Variants in STK36 observed in about 807,000 individuals in gnomAD.
STK36 encodes serine/threonine kinase 36, also known as serine/threonine-protein kinase 36.
STK36 carries 116 observed loss-of-function variants against 142.2 expected under a neutral mutation model. The observed-to-expected ratio is 0.82, with a 90% CI of 0.70 to 0.95. STK36 has a LOEUF of 0.95. STK36 is among the 40% of genes least tolerant of loss of function. The pLI is 0.00. For synonymous variants in STK36, 619 were observed against 641.7 expected, an observed-to-expected ratio of 0.96 and a Z score of 0.53; for missense variants, 1,422 against 1,617.2, an observed-to-expected ratio of 0.88 and a Z score of 2.07.
chr2:218,682,487 C>T (rs1469837812), intron 10 of STK36, among the ~76,000 whole-genome samples: 3 of 152,162 alleles, frequency 2.0e-5, no homozygotes, highest in Admixed American at 1.3e-4. Context: ...ATTAATTAAA[C>T]TAATCTGTAA....
intron 21 of STK36, among the ~76,000 whole-genome samples, chr2:218,695,527 CTTTTTTTTT>C (rs964956273): frequency 4.1e-5 from 3 of 73,052 alleles, no homozygotes; most frequent in African/African-American, 7.2e-5. Context: ...CATGTCCAGT[CTTTTTTTTT>C]TTTTTTTTTT....
At chr2:218,679,419 T>C in intron 7 of STK36, 141 bp from the exon 8 acceptor site, 1 of 1,301,264 alleles carries the variant, frequency 7.7e-7, no homozygotes, top group Non-Finnish European at 1.1e-6. Flanking sequence ...CCACTTCCCT[T>C]ACAACCCACT....
chr2:218,684,882 T>C lies in STK36; in HGVS notation c.1237-203T>C, dbSNP rs1940708866. The C allele has an allele frequency of 5.8e-6, 3 of 517,692 alleles. No homozygotes were observed. In the South Asian group the frequency reaches 1.1e-4, roughly 19 times the overall value. The allele number at this position is 517,692 out of a possible 1,614,324, so 32.1% of individuals were successfully genotyped here. On this transcript the variant is annotated intron_variant, in intron 10 of 26. Coordinates refer to ENST00000295709, the MANE Select transcript of STK36 (RefSeq NM_015690.5). ...GTATCTCTTTATGCACACATGCCGGTGTTCTCCAAGAGACTCTTCCAGACC... is the reference window on the plus strand; with the variant it reads ...GTATCTCTTTATGCACACATGCCGGCGTTCTCCAAGAGACTCTTCCAGACC...
intron 22 of STK36, 143 bp downstream of exon 22, chr2:218,696,744 C>T (rs1180660610): frequency 6.1e-6 from 6 of 984,386 alleles, no homozygotes; most frequent in African/African-American, 3.2e-5. Flanking sequence ...GGAACTTCCC[C>T]GCCTGCCCTC....
At chr2:218,695,927 G>C (rs964925181) in intron 21 of STK36, among the ~76,000 whole-genome samples, 4 of 144,378 alleles carry the variant, frequency 2.8e-5, no homozygotes, top group Non-Finnish European at 6.0e-5. Flanking sequence ...GCAGTGGCGT[G>C]ATCTCGGCTC....
At chr2:218,698,545 T>C in intron 25 of STK36, 57 bp from the exon 26 acceptor site, 1 of 1,562,486 alleles carries the variant, frequency 6.4e-7, no homozygotes, top group Non-Finnish European at 8.7e-7. Context: ...TTTGGGCTTC[T>C]TTATAGCTGC....
In STK36 at chr2:218,672,675, G is replaced by T. The variant is rs953799095; in HGVS notation, c.-89-66G>T. ...ATTCCACCCTCCCATGTTTTTTGAG[G>T]CTTTATTGTGAAAAAGAGGAAAAGG... On this transcript the variant is annotated intron_variant, in intron 1 of 26. Coordinates refer to ENST00000295709, the MANE Select transcript of STK36 (RefSeq NM_015690.5). 5 of 652,800 alleles carry T rather than the reference G, an allele frequency of 7.7e-6. No homozygotes were observed. In the African/African-American group the frequency reaches 9.1e-5, roughly 12 times the overall value. 40.4% of individuals were successfully genotyped at this position (652,800 alleles called of 1,614,324 possible). A position where few individuals can be genotyped will look rare whatever the true frequency, so the allele number is the denominator to read the frequency against.
At chr2:218,690,644 T>C (rs1559339584) in intron 14 of STK36, 89 bp downstream of exon 14, 5 of 1,037,074 alleles carry the variant, frequency 4.8e-6, no homozygotes, top group Non-Finnish European at 7.4e-6. Flanking sequence ...TAGGGTCAGA[T>C]CAAGTTAATA....
intron 11 of STK36, among the ~76,000 whole-genome samples, chr2:218,685,884 A>G (rs1327654367): frequency 6.6e-6 from 1 of 152,116 alleles, no homozygotes; most frequent in Non-Finnish European, 1.5e-5. Flanking sequence ...AAAACTGTTA[A>G]CCATAGTTCA....
intron 4 of STK36, among the ~76,000 whole-genome samples, chr2:218,674,621 A>T (rs1286058495): frequency 6.6e-6 from 1 of 152,156 alleles, no homozygotes; most frequent in African/African-American, 2.4e-5. Context: ...TTATTTTTTG[A>T]GACAGAGTCT....
intron 10 of STK36, among the ~76,000 whole-genome samples, chr2:218,683,753 G>C (rs1311024704): frequency 6.6e-6 from 1 of 151,576 alleles, no homozygotes. Flanking sequence ...CCCCACAACA[G>C]TCCCCAGAGT....
chr2:218,693,366 A>G (rs760200147), intron 17 of STK36, 22 bp downstream of exon 17: 2 of 1,605,594 alleles, frequency 1.2e-6, no homozygotes, highest in Non-Finnish European at 1.7e-6. Flanking sequence ...AACTCCTGGC[A>G]TCACAGCTTT....
chr2:218,694,228 T>G lies in STK36; in HGVS notation c.2337-36T>G. 1.3e-6 allele frequency: 2 copies of G among 1,580,172 alleles called. No individual in the cohort carries two copies. The highest frequency in any genetic ancestry group is 1.7e-6 in the Non-Finnish European group (2 of 1,149,166). ...GAGGCCGCTTACCAACCTCCTTTAA[T>G]ACTGCTGCATCCCTTGATGTATCTC... On this transcript the variant is annotated intron_variant, in intron 19 of 26. Coordinates refer to ENST00000295709, the MANE Select transcript of STK36 (RefSeq NM_015690.5). The surrounding 1 kb of genome is among the most constrained non-coding windows in gnomAD (Gnocchi z 4.4).
chr2:218,692,122 C>T (rs1941023728), intron 14 of STK36, 21 bp from the exon 15 acceptor site: 1 of 1,610,082 alleles, frequency 6.2e-7, no homozygotes, highest in African/African-American at 1.3e-5. Context: ...CTGATGCTAC[C>T]TCTGCACTTC....
chr2:218,683,019 T>G (rs1940602466), intron 10 of STK36, among the ~76,000 whole-genome samples: 1 of 152,220 alleles, frequency 6.6e-6, no homozygotes, highest in South Asian at 2.1e-4. Context: ...TTCCTCAAAT[T>G]GATTATTTCC....
intron 7 of STK36, 103 bp from the exon 8 acceptor site, chr2:218,679,457 C>G: frequency 7.0e-7 from 1 of 1,422,146 alleles, no homozygotes; most frequent in Non-Finnish European, 9.5e-7. Flanking sequence ...TCAAAATGAT[C>G]TTCTTCCACA....
At chr2:218,680,128 T>G (rs1301174162) in intron 9 of STK36, 48 bp downstream of exon 9, 1 of 1,573,592 alleles carries the variant, frequency 6.4e-7, no homozygotes, top group African/African-American at 1.4e-5. Flanking sequence ...ATCTTGCACA[T>G]CTTTAACTCT....
Position 218,702,115 on chromosome 2 carries a change from T to C in STK36, c.*106T>C. 1 of 1,387,300 alleles carries C rather than the reference T, an allele frequency of 7.2e-7. No individual in the cohort carries two copies. The highest frequency in any genetic ancestry group is 9.7e-7 in the Non-Finnish European group (1 of 1,031,794). 85.9% of individuals were successfully genotyped at this position (1,387,300 alleles called of 1,614,324 possible). On this transcript the variant is annotated 3_prime_UTR_variant, in exon 27 of 27. Transcript: ENST00000295709. ...AGAGCTAAAGAGACTAGAAAAGAGATAAGCTGCCAACTCAACTGAGAACAA... is the reference window on the plus strand; with the variant it reads ...AGAGCTAAAGAGACTAGAAAAGAGACAAGCTGCCAACTCAACTGAGAACAA...
intron 9 of STK36, 123 bp from the exon 10 acceptor site, chr2:218,680,480 C>T (rs1940466652): frequency 2.7e-6 from 2 of 754,024 alleles, no homozygotes; most frequent in Non-Finnish European, 4.4e-6. Flanking sequence ...AAGAAGTCTC[C>T]TCTAGTCAAT....
Sources: allele counts gnomAD v4.1 joint callset (sites outside exome capture counted in the v4.1 genomes callset), GRCh38; gene constraint gnomAD v4.1.1; non-coding constraint Gnocchi (gnomAD v3.1); transcripts MANE v1.5; gene names NCBI Gene and HGNC (gene_info 2026-07-23, HGNC 2026-07-21).